Variants in ATF1 observed in about 807,000 individuals in gnomAD.
ATF1 encodes the protein activating transcription factor 1.
A neutral mutation model predicts 34.7 loss-of-function variants in ATF1; 16 were observed. The observed-to-expected ratio is 0.46, with a 90% CI of 0.31 to 0.70. The LOEUF is 0.70. Ranked by LOEUF, ATF1 falls within the 30% of genes least tolerant of loss-of-function variation. The probability of loss-of-function intolerance (pLI) is 0.05; values close to 1 mark genes in which losing one functional copy is unlikely to be tolerated. For synonymous variants in ATF1, 105 were observed against 113.1 expected, an observed-to-expected ratio of 0.93 and a Z score of 0.46; for missense variants, 255 against 321.6, an observed-to-expected ratio of 0.79 and a Z score of 1.58.
chr12:50,764,077 C>A (rs1339262754), upstream of ATF1: 1 of 151,660 alleles, frequency 6.6e-6, no homozygotes, highest in Admixed American at 6.6e-5. Flanking sequence ...CCCCCGCCCC[C>A]AGGCTTGTGT....
chr12:50,811,745 C>T (rs768435449), intron 4 of ATF1, among the ~76,000 whole-genome samples: 2 of 151,590 alleles, frequency 1.3e-5, no homozygotes. Flanking sequence ...GAACCGTGAT[C>T]GTACCACCGC....
chr12:50,794,117 A>AT (rs1489343182), intron 2 of ATF1, among the ~76,000 whole-genome samples: 1 of 151,394 alleles, frequency 6.6e-6, no homozygotes, highest in Non-Finnish European at 1.5e-5. Flanking sequence ...GGCCCGGCTA[A>AT]TTTTTTGTAT....
In ATF1 at chr12:50,819,871, C is replaced by CT. The variant is rs1297236489; in HGVS notation, c.*97dup. 5.4e-6 allele frequency: 6 copies of CT among 1,105,870 alleles called. No homozygotes were observed. In the Admixed American group the frequency reaches 1.7e-4, roughly 31 times the overall value. 68.5% of individuals were successfully genotyped at this position (1,105,870 alleles called of 1,614,324 possible). A position where few individuals can be genotyped will look rare whatever the true frequency, so the allele number is the denominator to read the frequency against. ...ATAAATTAAAAGGTCAAAACTGAAG[C>CT]TTTTTATTTAGGCTTTTCCAAATCA... On this transcript the variant is annotated 3_prime_UTR_variant, in exon 7 of 7. Coordinates refer to ENST00000262053, the MANE Select transcript of ATF1 (RefSeq NM_005171.5).
intron 2 of ATF1, among the ~76,000 whole-genome samples, chr12:50,785,278 T>C (rs112527678): frequency 1.5e-4 from 17 of 115,106 alleles, no homozygotes; most frequent in South Asian, 9.1e-4. Context: ...AAATTATATA[T>C]ATACATACAC....
intron 4 of ATF1, among the ~76,000 whole-genome samples, chr12:50,812,388 G>A (rs1013907473): frequency 6.6e-6 from 1 of 151,972 alleles, no homozygotes; most frequent in Non-Finnish European, 1.5e-5. Flanking sequence ...TCAGGATGGC[G>A]GTAAAAGGGG....
intron 2 of ATF1, among the ~76,000 whole-genome samples, chr12:50,782,850 C>T (rs138783013): frequency 2.0e-5 from 3 of 151,886 alleles, no homozygotes; most frequent in African/African-American, 7.3e-5. Flanking sequence ...CTGCCACGAC[C>T]AGCTAATTTG....
chr12:50,785,668 C>T (rs530856994), intron 2 of ATF1, among the ~76,000 whole-genome samples: 4 of 152,234 alleles, frequency 2.6e-5, no homozygotes, highest in Admixed American at 2.0e-4. Flanking sequence ...AATCTACTTC[C>T]AAGGTCACTT....
rs1345331924 is a variant in ATF1, at chr12:50,809,445, T to G, written c.195-11T>G. 1 of 1,455,922 alleles carries G rather than the reference T, an allele frequency of 6.9e-7. No individual in the cohort carries two copies. The highest frequency in any genetic ancestry group is 9.0e-7 in the Non-Finnish European group (1 of 1,106,464). The allele number at this position is 1,455,922 out of a possible 1,614,324, so 90.2% of individuals were successfully genotyped here. ...TACCAATGTTTAATAGAGTTCTGGTTTTTTTTACAGAAAAATTTTGAAAGA... is the reference window on the plus strand; with the variant it reads ...TACCAATGTTTAATAGAGTTCTGGTGTTTTTTACAGAAAAATTTTGAAAGA... On this transcript the variant is annotated splice_polypyrimidine_tract_variant and intron_variant, in intron 3 of 6. Coordinates refer to ENST00000262053, the MANE Select transcript of ATF1 (RefSeq NM_005171.5).
chr12:50,801,182 C>T (rs920601635), intron 3 of ATF1, among the ~76,000 whole-genome samples: 1 of 152,022 alleles, frequency 6.6e-6, no homozygotes, highest in African/African-American at 2.4e-5. Flanking sequence ...ATATATAAGA[C>T]ATCTACAACA....
At chr12:50,790,197 A>T (rs1039648403) in intron 2 of ATF1, among the ~76,000 whole-genome samples, 45 of 119,340 alleles carry the variant, frequency 3.8e-4, no homozygotes, top group Admixed American at 4.6e-4. Context: ...TGTGGGTTCT[A>T]TTTTTTTTTT....
chr12:50,782,957 T>C (rs902252731), intron 2 of ATF1, among the ~76,000 whole-genome samples: 1 of 152,274 alleles, frequency 6.6e-6, no homozygotes, highest in South Asian at 2.1e-4. Context: ...CCCAAAGTGC[T>C]GGGATTACAG....
intron 2 of ATF1, among the ~76,000 whole-genome samples, chr12:50,789,272 T>C (rs1313238687): frequency 6.6e-6 from 1 of 152,144 alleles, no homozygotes; most frequent in Non-Finnish European, 1.5e-5. Flanking sequence ...TTTCGCCATG[T>C]TGGCCAGGCT....
At chr12:50,812,628 A>G (rs1941760061) in intron 4 of ATF1, among the ~76,000 whole-genome samples, 1 of 152,260 alleles carries the variant, frequency 6.6e-6, no homozygotes, top group African/African-American at 2.4e-5. Context: ...TTTCAAGACC[A>G]GACTGGGCAA....
chr12:50,795,487 T>G (rs912505999), intron 2 of ATF1, among the ~76,000 whole-genome samples: 11 of 152,222 alleles, frequency 7.2e-5, no homozygotes, highest in Non-Finnish European at 1.2e-4. Context: ...GGCTTGTATA[T>G]TTAATATTCG....
At chr12:50,791,505 A>G (rs899762175) in intron 2 of ATF1, among the ~76,000 whole-genome samples, 5 of 152,090 alleles carry the variant, frequency 3.3e-5, no homozygotes, top group African/African-American at 1.2e-4. Context: ...CAGTGAGTCT[A>G]GATCGTGCTA....
chr12:50,793,811 A>AATAAC, intron 2 of ATF1, among the ~76,000 whole-genome samples: 1 of 152,214 alleles, frequency 6.6e-6, no homozygotes, highest in East Asian at 1.9e-4. Flanking sequence ...TTTTGAAGGA[A>AATAAC]ATAACATATA....
chr12:50,780,181 A>G lies in ATF1; in HGVS notation c.36A>G (p.Thr12=), dbSNP rs1399995293. Residue 12 remains threonine, a synonymous_variant, in exon 2 of 7, where the codon ACA becomes ACG. Coordinates refer to ENST00000262053, the MANE Select transcript of ATF1 (RefSeq NM_005171.5). ...EDSHKSTTSE[T]APQPGSAVQG... is the part of the protein sequence containing the mutation. ...CCCACAAGAGTACCACGTCAGAGAC[A>G]GCACCTCAACCTGGTTCAGCAGTTC... 5 of 1,613,876 alleles carry G rather than the reference A, an allele frequency of 3.1e-6. No homozygotes were observed. The African/African-American group carries it at 5.3e-5, about 17-fold the overall frequency.
chr12:50,770,046 AT>A (rs1387990279), intron 1 of ATF1, among the ~76,000 whole-genome samples: 1 of 152,206 alleles, frequency 6.6e-6, no homozygotes, highest in Non-Finnish European at 1.5e-5. Context: ...GAAACTTTTC[AT>A]TTGAGCTATT....
chr12:50,771,600 G>T (rs1940772375), intron 1 of ATF1, among the ~76,000 whole-genome samples: 1 of 152,046 alleles, frequency 6.6e-6, no homozygotes, highest in Non-Finnish European at 1.5e-5. Flanking sequence ...CTTAGACGGG[G>T]GGAAATGTCA....
Sources: allele counts gnomAD v4.1 joint callset (sites outside exome capture counted in the v4.1 genomes callset), GRCh38; gene constraint gnomAD v4.1.1; transcripts MANE v1.5; gene names NCBI Gene and HGNC (gene_info 2026-07-23, HGNC 2026-07-21).